Variants in PPFIA4 observed in about 807,000 individuals in gnomAD.
PPFIA4 encodes PPFI scaffold protein A4.
A neutral mutation model predicts 145.7 loss-of-function variants in PPFIA4; 98 were observed. The ratio of observed to expected loss-of-function variants is 0.67; its 90% CI spans 0.57 to 0.80. The LOEUF is 0.80. Ranked by LOEUF, PPFIA4 falls within the 30% of genes least tolerant of loss-of-function variation. The pLI, the probability that PPFIA4 is intolerant of heterozygous loss-of-function variation, is 0.00. For missense variants in PPFIA4, 1,457 were observed against 1,632.7 expected (o/e 0.89, Z 1.85); for synonymous variants, 628 against 649.6 (o/e 0.97, Z 0.51).
Position 203,059,244 on chromosome 1 carries a change from C to A in PPFIA4, c.2474C>A (p.Ala825Glu). 1 of 1,547,528 alleles carries A rather than the reference C, an allele frequency of 6.5e-7. No individual in the cohort carries two copies. Among genetic ancestry groups the A allele is most frequent in the African/African-American group, 1.4e-5 (1 of 73,564 alleles). ...PMVPAKLGTQ[A>E]EKDRRLKKKH... ...GTGCCTGCCAAGCTGGGGACCCAGG[C>A]AGAGAAGGACCGGCGGCTAAAGAAG... The change falls in exon 20 of 30, where the codon GCA becomes GAA. Residue 825 changes from alanine to glutamate, a missense_variant. Coordinates refer to ENST00000295706, the MANE Select transcript of PPFIA4 (RefSeq NM_001304331.2).
chr1:203,075,345 A>C lies in PPFIA4; in HGVS notation c.3394-232A>C, dbSNP rs1662446434. Reference sequence around the variant, plus strand: ...AACAAGACTCTCCCCCGCCCCACACACCCCCTCCATCCGCCACCCAGAGAC... The same window carrying C: ...AACAAGACTCTCCCCCGCCCCACACCCCCCCTCCATCCGCCACCCAGAGAC... On this transcript the variant is annotated intron_variant, in intron 28 of 29. Coordinates refer to ENST00000295706, the MANE Select transcript of PPFIA4 (RefSeq NM_001304331.2). The surrounding 1 kb of genome is among the most constrained non-coding windows in gnomAD (Gnocchi z 4.1). Among the ~76,000 whole-genome samples the C allele has an allele frequency of 1.3e-5, 2 of 149,664 alleles. No homozygotes were observed. The highest frequency in any genetic ancestry group is 1.5e-5 in the Non-Finnish European group (1 of 67,444).
At position 203,056,833 on chromosome 1, in the gene PPFIA4, G is replaced by T; in HGVS notation, c.2290G>T (p.Asp764Tyr). Residue 764 changes from aspartate to tyrosine, a missense_variant, in exon 19 of 30, where the codon GAC (aspartate) becomes TAC (tyrosine). Physicochemically the swap from Asp to Tyr is radical, Grantham distance 160. Transcript: ENST00000295706. ...CCCCAGCAGCAGCAACAGCAGCCAG[G>T]ACTCCCTGCACAAGGGCGCCAAGCG... ...SNPSSSNSSQ[D>Y]SLHKGAKRKG... 1 of 1,613,976 alleles carries T rather than the reference G, an allele frequency of 6.2e-7. No individual in the cohort carries two copies. Among genetic ancestry groups the T allele is most frequent in the Non-Finnish European group, 8.5e-7 (1 of 1,179,852 alleles).
chr1:203,053,717 C>T (rs1415600253), intron 14 of PPFIA4, 36 bp from the exon 15 acceptor site: 8 of 1,532,522 alleles, frequency 5.2e-6, no homozygotes, highest in Non-Finnish European at 7.1e-6. Context: ...ATCTGGGTGT[C>T]TTATTACGAC....
chr1:203,044,728 G>T lies in PPFIA4; in HGVS notation c.609G>T (p.Arg203=). The part of the protein sequence containing the change: ...VSALQQGAGV[R]DGAAEEEGTV... ...CCCTGCAGCAGGGGGCAGGGGTGCG[G>T]GATGGAGCGGCAGAAGAGGAGGGGA... Residue 203 remains arginine, a synonymous_variant, in exon 6 of 30, where the codon CGG becomes CGT. Transcript: ENST00000295706. 6.4e-7 allele frequency: 1 copy of T among 1,563,874 alleles called. No individual in the cohort carries two copies. The highest frequency in any genetic ancestry group is 2.4e-5 in the East Asian group (1 of 42,428).
Position 203,077,697 on chromosome 1 carries a change from G to A in PPFIA4, c.*1307G>A, listed in dbSNP as rs1252370400. On this transcript the variant is annotated 3_prime_UTR_variant, in exon 30 of 30. Coordinates refer to ENST00000295706, the MANE Select transcript of PPFIA4 (RefSeq NM_001304331.2). Reference sequence around the variant, plus strand: ...ATTGCTTTCCCCAGCAGCATGATGGGAACCCAAGCTGAGGGATACAGGTCC... The same window carrying A: ...ATTGCTTTCCCCAGCAGCATGATGGAAACCCAAGCTGAGGGATACAGGTCC... 1 of 152,184 alleles carries A rather than the reference G, an allele frequency of 6.6e-6. No homozygotes were observed. Among genetic ancestry groups the A allele is most frequent in the African/African-American group, 2.4e-5 (1 of 41,430 alleles). 9.4% of individuals were successfully genotyped at this position (152,184 alleles called of 1,614,324 possible).
At chr1:203,073,746 G>T (rs893400914) in intron 28 of PPFIA4, among the ~76,000 whole-genome samples, 3 of 152,172 alleles carry the variant, frequency 2.0e-5, no homozygotes, top group Non-Finnish European at 4.4e-5. Flanking sequence ...ACTGTTAGGG[G>T]ACAGGGGAGG....
intron 13 of PPFIA4, 46 bp downstream of exon 13, chr1:203,049,813 G>T (rs936880335): frequency 2.0e-5 from 29 of 1,429,782 alleles, no homozygotes; most frequent in Non-Finnish European, 2.5e-5. Context: ...GGGTCCTGAT[G>T]GACCGTGAGG....
rs1261337751 is a variant in PPFIA4, at chr1:203,044,408, G to A, written c.531G>A (p.Glu177=). Residue 177 remains glutamate (E), a synonymous_variant, in exon 5 of 30, where the codon GAG becomes GAA. Transcript: ENST00000295706. ...KVRERLRAAL[E]RVTTLEEQLA... ...GAGAGCGGCTCCGGGCAGCGCTGGA[G>A]CGAGTCACCACCTTGGAGGAGCAGC... 5 of 1,552,254 alleles carry A rather than the reference G, an allele frequency of 3.2e-6. No homozygotes were observed. The African/African-American group carries it at 6.8e-5, about 21-fold the overall frequency.
At chr1:203,044,564 C>A in intron 5 of PPFIA4, 111 bp downstream of exon 5, 1 of 1,380,514 alleles carries the variant, frequency 7.2e-7, no homozygotes, top group Non-Finnish European at 9.9e-7. Context: ...CTGGAAGCTG[C>A]TAGGCAAGGC....
At position 203,027,013 on chromosome 1, in the gene PPFIA4, CTTTG is replaced by C. The variant is rs537437073; in HGVS notation, c.-400+385_-400+388del. Among the ~76,000 whole-genome samples the C allele has an allele frequency of 9.1e-4, 139 of 152,348 alleles. 3 individuals carry two copies. The highest frequency in any genetic ancestry group is 7.0e-3 in the Admixed American group (107 of 15,306). On this transcript the variant is annotated intron_variant, in intron 1 of 29. Transcript: ENST00000295706. ...CTCGGCTCCGGGGCCAACCCCACTC[CTTTG>C]GGGACGCGATTCTGATGGGCTGAGG...
chr1:203,044,325 C>A, intron 4 of PPFIA4, 54 bp from the exon 5 acceptor site: 1 of 1,499,566 alleles, frequency 6.7e-7, no homozygotes, highest in Non-Finnish European at 9.1e-7. Context: ...TCTCTTCCAG[C>A]CTGACTCAAG....
chr1:203,071,860 C>A, intron 28 of PPFIA4, 100 bp downstream of exon 28: 1 of 1,057,750 alleles, frequency 9.5e-7, no homozygotes, highest in Non-Finnish European at 1.4e-6. Flanking sequence ...TGTTGGAAGG[C>A]TAGTCTATGG....
At position 203,048,272 on chromosome 1, in the gene PPFIA4, G is replaced by A. The variant is rs1487203049; in HGVS notation, c.1186G>A (p.Glu396Lys). The change falls in exon 10 of 30, where the codon GAG becomes AAG. Residue 396 changes from glutamate (E) to lysine (K), a missense_variant. By Grantham distance (56) the Glu-to-Lys change is moderately conservative. Transcript: ENST00000295706. This position sits in a 1 kb window ranked among gnomAD's most constrained non-coding sequence, Gnocchi z 5.8. ...CATTGAGGAGCACCTGCGGCAGCTG[G>A]AGGGACAGCTGGAGGAGAAGAACCA... is the stretch of plus-strand genomic sequence containing the variant. ...GNIEEHLRQLEGQLEEKNQEL... is the reference protein window; with the variant it reads ...GNIEEHLRQLKGQLEEKNQEL... 6.8e-6 allele frequency: 11 copies of A among 1,612,734 alleles called. No individual in the cohort carries two copies. Among genetic ancestry groups the A allele is most frequent in the Non-Finnish European group, 9.3e-6 (11 of 1,179,872 alleles).
intron 1 of PPFIA4, among the ~76,000 whole-genome samples, chr1:203,028,305 GCAGC>G (rs1169711598): frequency 2.0e-5 from 3 of 152,182 alleles, no homozygotes; most frequent in Non-Finnish European, 4.4e-5. Context: ...GGCATGGCAG[GCAGC>G]CAGGCTCCTG....
At chr1:203,046,661 CTTT>C (rs34854303) in intron 9 of PPFIA4, among the ~76,000 whole-genome samples, 4 of 144,516 alleles carry the variant, frequency 2.8e-5, no homozygotes, top group Non-Finnish European at 4.5e-5. Context: ...TTTTCTTTTT[CTTT>C]TTTTTTTTTT....
At chr1:203,039,294 T>G in intron 2 of PPFIA4, 52 bp downstream of exon 2, 1 of 1,344,532 alleles carries the variant, frequency 7.4e-7, no homozygotes, top group Non-Finnish European at 1.0e-6. Context: ...CCTCTAGCCC[T>G]GCTAGATCCA....
chr1:203,027,461 A>G (rs12725494), intron 1 of PPFIA4, among the ~76,000 whole-genome samples: 18,294 of 152,112 alleles, frequency 0.12, 1,231 homozygotes, highest in Middle Eastern at 0.16. Flanking sequence ...AGCTGATGTC[A>G]CCTTTGAGGA....
At chr1:203,061,741 G>A in intron 24 of PPFIA4, 63 bp downstream of exon 24, 2 of 1,488,000 alleles carry the variant, frequency 1.3e-6, no homozygotes, top group South Asian at 2.6e-5. Flanking sequence ...TCTTCTGGTA[G>A]GTTCTCTCCG....
intron 4 of PPFIA4, 82 bp from the exon 5 acceptor site, chr1:203,044,297 G>A: frequency 1.5e-6 from 2 of 1,357,564 alleles, no homozygotes; most frequent in Non-Finnish European, 1.0e-6. Flanking sequence ...ATGCTCAGTG[G>A]TGGTAGACCA....
Sources: allele counts gnomAD v4.1 joint callset (sites outside exome capture counted in the v4.1 genomes callset), GRCh38; gene constraint gnomAD v4.1.1; non-coding constraint Gnocchi (gnomAD v3.1); transcripts MANE v1.5; gene names NCBI Gene and HGNC (gene_info 2026-07-23, HGNC 2026-07-21).